The following ROBO1 variants were observed in gnomAD, a reference collection of about 807,000 sequenced individuals.
ROBO1 encodes the protein roundabout guidance receptor 1.
Under a neutral mutation model 195.9 loss-of-function variants are expected in ROBO1, and 149 were observed. The observed-to-expected ratio is 0.76, with a 90% CI of 0.67 to 0.87. The LOEUF (loss-of-function observed/expected upper bound fraction) is 0.87. ROBO1 is among the 40% of genes least tolerant of loss of function. The pLI is 0.00. For synonymous variants in ROBO1, 816 were observed against 733.2 expected, an observed-to-expected ratio of 1.11 and a Z score of -1.82; for missense variants, 1,933 against 2,068.3, an observed-to-expected ratio of 0.93 and a Z score of 1.27.
chr3:79,490,705 G>A (rs1188582484), intron 2 of ROBO1, among the ~76,000 whole-genome samples: 5 of 152,194 alleles, frequency 3.3e-5, no homozygotes, highest in Non-Finnish European at 7.3e-5. Flanking sequence ...CACAGCCAAT[G>A]AATGCATTGC....
chr3:79,235,292 G>T (rs1454099985), intron 2 of ROBO1, among the ~76,000 whole-genome samples: 2 of 151,988 alleles, frequency 1.3e-5, no homozygotes, highest in African/African-American at 4.8e-5. Context: ...TTTTAAAAAA[G>T]GAAAATAAGT....
intron 5 of ROBO1, among the ~76,000 whole-genome samples, chr3:78,741,006 T>A (rs546294288): frequency 6.6e-6 from 1 of 152,276 alleles, no homozygotes; most frequent in Non-Finnish European, 1.5e-5. Flanking sequence ...CATTTTCTGT[T>A]AGTATAATGG....
intron 2 of ROBO1, among the ~76,000 whole-genome samples, chr3:79,200,070 G>C (rs988830748): frequency 6.6e-6 from 1 of 151,742 alleles, no homozygotes; most frequent in African/African-American, 2.4e-5. Context: ...ACAAAAAGCA[G>C]AGCCATTTAT....
intron 4 of ROBO1, among the ~76,000 whole-genome samples, chr3:78,869,844 T>G (rs1422788760): frequency 6.6e-6 from 1 of 152,204 alleles, no homozygotes; most frequent in Admixed American, 6.5e-5. Flanking sequence ...TGAATTGTTC[T>G]GTGGATTTAG....
intron 28 of ROBO1, 28 bp from the exon 29 acceptor site, chr3:78,607,069 G>A: frequency 6.3e-7 from 1 of 1,576,770 alleles, no homozygotes; most frequent in Non-Finnish European, 8.6e-7. Context: ...AAATACTACT[G>A]TAAAAGTCTG....
intron 2 of ROBO1, among the ~76,000 whole-genome samples, chr3:79,209,096 T>G (rs2081924990): frequency 6.6e-6 from 1 of 152,194 alleles, no homozygotes; most frequent in African/African-American, 2.4e-5. Flanking sequence ...TCTGAGATTT[T>G]GGTGCACCTG....
At chr3:79,684,653 T>TATG (rs111991356) in intron 1 of ROBO1, among the ~76,000 whole-genome samples, 1,888 of 151,118 alleles carry the variant, frequency 0.012, 24 homozygotes, top group African/African-American at 0.03. Flanking sequence ...ACTCCTGAAT[T>TATG]ATGATGATGA....
intron 3 of ROBO1, among the ~76,000 whole-genome samples, chr3:79,086,736 G>A (rs1445458893): frequency 5.3e-5 from 8 of 151,878 alleles, no homozygotes; most frequent in African/African-American, 1.9e-4. Flanking sequence ...GCCCTGCCCC[G>A]CTTACTAATA....
At chr3:79,459,082 T>C (rs946302268) in intron 2 of ROBO1, among the ~76,000 whole-genome samples, 12 of 152,154 alleles carry the variant, frequency 7.9e-5, no homozygotes, top group African/African-American at 2.9e-4. Flanking sequence ...TATGATTATG[T>C]TGGTAATTTC....
chr3:78,772,867 TG>T (rs2083412266), intron 4 of ROBO1, among the ~76,000 whole-genome samples: 2 of 152,200 alleles, frequency 1.3e-5, no homozygotes, highest in African/African-American at 4.8e-5. Context: ...TTAAGTCAGT[TG>T]CTTATTATAT....
intron 1 of ROBO1, among the ~76,000 whole-genome samples, chr3:79,639,618 G>T (rs1454809138): frequency 3.3e-5 from 5 of 152,198 alleles, no homozygotes; most frequent in South Asian, 2.1e-4. Flanking sequence ...TTTATAAGTT[G>T]CTACCAAATA....
chr3:78,758,485 C>T (rs971818108), intron 4 of ROBO1, among the ~76,000 whole-genome samples: 7 of 139,714 alleles, frequency 5.0e-5, no homozygotes, highest in Non-Finnish European at 7.5e-5. Context: ...ATGGTCATGC[C>T]ACTTCACTCC....
intron 3 of ROBO1, among the ~76,000 whole-genome samples, chr3:79,004,872 C>A (rs1422858511): frequency 1.3e-5 from 2 of 152,014 alleles, no homozygotes; most frequent in African/African-American, 2.4e-5. Flanking sequence ...CTATGGTTCA[C>A]AAAGAAGAAA....
chr3:78,928,666 T>A lies in ROBO1; in HGVS notation c.499+9935A>T, dbSNP rs572207082. On this transcript the variant is annotated intron_variant, in intron 4 of 30. Transcript: ENST00000464233. ...TTTACTGGTTTCTTCCCAGGGGTGGTCCCAAAGGAAAATATTCTAAATCAT... is the reference window on the plus strand; with the variant it reads ...TTTACTGGTTTCTTCCCAGGGGTGGACCCAAAGGAAAATATTCTAAATCAT... Among the ~76,000 whole-genome samples the A allele has an allele frequency of 1.1e-3, 172 of 152,232 alleles. 1 individual carries two copies. Among genetic ancestry groups the A allele is most frequent in the Non-Finnish European group, 2.1e-3 (144 of 68,010 alleles).
intron 4 of ROBO1, among the ~76,000 whole-genome samples, chr3:78,783,121 A>C (rs1316458082): frequency 6.6e-6 from 1 of 152,120 alleles, no homozygotes; most frequent in African/African-American, 2.4e-5. Context: ...AAGGGGTACA[A>C]GTGTAATTTT....
chr3:79,019,754 C>T (rs1209930470), intron 3 of ROBO1, among the ~76,000 whole-genome samples: 1 of 152,080 alleles, frequency 6.6e-6, no homozygotes, highest in Admixed American at 6.5e-5. Context: ...AACCTCCCAG[C>T]CAAAGACTTC....
chr3:79,569,544 A>T (rs755872198), intron 2 of ROBO1, among the ~76,000 whole-genome samples: 30 of 152,150 alleles, frequency 2.0e-4, no homozygotes, highest in Admixed American at 7.2e-4. Flanking sequence ...GAACACATTA[A>T]TAGGTCAACT....
At chr3:79,475,549 A>G (rs767242870) in intron 2 of ROBO1, among the ~76,000 whole-genome samples, 14 of 152,098 alleles carry the variant, frequency 9.2e-5, no homozygotes, top group Non-Finnish European at 1.5e-4. Context: ...ATAACCACAA[A>G]TATTGATTAG....
intron 26 of ROBO1, among the ~76,000 whole-genome samples, chr3:78,625,142 T>C (rs1219095540): frequency 6.6e-6 from 1 of 152,154 alleles, no homozygotes; most frequent in Non-Finnish European, 1.5e-5. Flanking sequence ...GTGGAATCCA[T>C]TTAAGGATAA....
Sources: allele counts gnomAD v4.1 joint callset (sites outside exome capture counted in the v4.1 genomes callset), GRCh38; gene constraint gnomAD v4.1.1; transcripts MANE v1.5; gene names NCBI Gene and HGNC (gene_info 2026-07-23, HGNC 2026-07-21).